SYT10: variants seen among roughly 807,000 people sequenced by gnomAD.
The protein encoded by SYT10 is synaptotagmin 10.
In SYT10, 31 loss-of-function variants were observed where a neutral mutation model predicts 51.1. The observed-to-expected ratio is 0.61, with a 90% confidence interval of 0.46 to 0.82. The LOEUF (loss-of-function observed/expected upper bound fraction) is 0.82, where lower values mean the gene tolerates loss of function less well. SYT10 is among the 40% of genes least tolerant of loss of function. The pLI, the probability that SYT10 is intolerant of heterozygous loss-of-function variation, is 0.00. For synonymous variants in SYT10, 233 were observed against 225.9 expected (o/e 1.03, Z -0.28); for missense variants, 603 against 634.0 (o/e 0.95, Z 0.53).
intron 1 of SYT10, among the ~76,000 whole-genome samples, chr12:33,433,400 G>A (rs1281636097): frequency 1.3e-5 from 2 of 152,078 alleles, no homozygotes; most frequent in Non-Finnish European, 2.9e-5. Context: ...CAGCACACAA[G>A]ATTTTAATGA....
At chr12:33,402,196 T>C (rs1247960765) in intron 3 of SYT10, among the ~76,000 whole-genome samples, 1 of 152,148 alleles carries the variant, frequency 6.6e-6, no homozygotes, top group Non-Finnish European at 1.5e-5. Context: ...ACAAAACAAA[T>C]AGAAACTCCT....
At chr12:33,403,810 A>G (rs1330300812) in intron 3 of SYT10, among the ~76,000 whole-genome samples, 11 of 152,030 alleles carry the variant, frequency 7.2e-5, no homozygotes, top group African/African-American at 2.2e-4. Context: ...ATTTTTACTA[A>G]TAAGAAGATG....
At chr12:33,405,509 A>G (rs1370667023) in intron 3 of SYT10, 3 of 152,112 alleles carry the variant, frequency 2.0e-5, no homozygotes, top group Non-Finnish European at 4.4e-5. Flanking sequence ...ACAATATTGA[A>G]CTGGCAGTAT....
Position 33,431,862 on chromosome 12 carries a change from C to T in SYT10, c.152-5367G>A, listed in dbSNP as rs1170076831. Among the ~76,000 whole-genome samples, 3 of 152,068 alleles carry T rather than the reference C, an allele frequency of 2.0e-5. No homozygotes were observed. In the East Asian group the frequency reaches 5.8e-4, roughly 29 times the overall value. ...CAGATGTATTTAGAAACACTGCCAA[C>T]ATCCCACATATTTGCACAGTTAGCT... is the stretch of plus-strand genomic sequence containing the variant. On this transcript the variant is annotated intron_variant, in intron 1 of 6. Transcript: ENST00000228567.
At chr12:33,380,623 G>A (rs1466195791) in intron 5 of SYT10, among the ~76,000 whole-genome samples, 1 of 152,150 alleles carries the variant, frequency 6.6e-6, no homozygotes, top group Non-Finnish European at 1.5e-5. Flanking sequence ...AGTGTTCTAG[G>A]TAGTTTAAAT....
intron 1 of SYT10, among the ~76,000 whole-genome samples, chr12:33,429,401 T>C (rs1413517087): frequency 6.6e-6 from 1 of 152,204 alleles, no homozygotes; most frequent in African/African-American, 2.4e-5. Flanking sequence ...AAATAAGAAC[T>C]ATAGAGAATA....
At chr12:33,389,199 G>C (rs1168989828) in intron 3 of SYT10, among the ~76,000 whole-genome samples, 1 of 152,150 alleles carries the variant, frequency 6.6e-6, no homozygotes. Context: ...GTAGTTGTTT[G>C]ATGTCTTCTA....
chr12:33,438,019 G>T (rs1866651837), intron 1 of SYT10, among the ~76,000 whole-genome samples: 1 of 152,096 alleles, frequency 6.6e-6, no homozygotes, highest in East Asian at 1.9e-4. Context: ...GAGCCCCCTT[G>T]GCTCACGTTG....
At chr12:33,402,528 T>C (rs977712229) in intron 3 of SYT10, among the ~76,000 whole-genome samples, 2 of 152,240 alleles carry the variant, frequency 1.3e-5, no homozygotes, top group African/African-American at 4.8e-5. Context: ...CTGAGGCATA[T>C]ACTTTATTTC....
intron 6 of SYT10, among the ~76,000 whole-genome samples, chr12:33,379,287 C>T (rs1274677946): frequency 6.6e-6 from 1 of 151,996 alleles, no homozygotes; most frequent in African/African-American, 2.4e-5. Flanking sequence ...CAGAGCCAGG[C>T]CTTGAACTCG....
chr12:33,426,369 A>C lies in SYT10; in HGVS notation c.278T>G (p.Ile93Ser), dbSNP rs1450614283. ...TGAAATGCTCTGTGGAAGCGTAGTG[A>C]TGTTGGAAGTCACAGGTTTGCTTTT... ...CWKSKPVTSN[I>S]TTLPQSISSA... The change falls in exon 2 of 7, where the codon ATC (isoleucine) becomes AGC (serine). Residue 93 changes from isoleucine to serine, a missense_variant. By Grantham distance (142) the Ile-to-Ser change is moderately radical. Coordinates refer to ENST00000228567, the MANE Select transcript of SYT10 (RefSeq NM_198992.4). 1 of 1,614,126 alleles carries C rather than the reference A, an allele frequency of 6.2e-7. No individual in the cohort carries two copies. The highest frequency in any genetic ancestry group is 8.5e-7 in the Non-Finnish European group (1 of 1,180,012).
intron 1 of SYT10, among the ~76,000 whole-genome samples, chr12:33,428,478 T>C (rs1866570152): frequency 6.6e-6 from 1 of 152,176 alleles, no homozygotes. Context: ...TAAGAAATGA[T>C]AGTGTAAATC....
intron 6 of SYT10, among the ~76,000 whole-genome samples, chr12:33,377,500 A>G (rs1340007924): frequency 1.3e-5 from 2 of 152,216 alleles, no homozygotes; most frequent in Admixed American, 6.5e-5. Context: ...TGCGTTTGGC[A>G]GATGGGAGCC....
intron 1 of SYT10, 125 bp downstream of exon 1, chr12:33,439,247 A>G (rs1866663327): frequency 5.6e-6 from 7 of 1,250,608 alleles, no homozygotes; most frequent in Non-Finnish European, 7.7e-6. Flanking sequence ...GGAGCGAGGT[A>G]GGAAAGCGTG....
chr12:33,401,281 T>C (rs1308592858), intron 3 of SYT10, among the ~76,000 whole-genome samples: 1 of 152,200 alleles, frequency 6.6e-6, no homozygotes, highest in Non-Finnish European at 1.5e-5. Flanking sequence ...ATTTCTCCTT[T>C]ACATTTCAGA....
chr12:33,387,361 G>A lies in SYT10; in HGVS notation c.1078-2070C>T, dbSNP rs1352768975. The stretch of plus-strand genomic sequence containing the variant: ...ATTTCATTTTCAAATTGAGAATAAC[G>A]CTCACTTCACAAGGGTTGTAAGCAT... On this transcript the variant is annotated intron_variant, in intron 3 of 6. Transcript: ENST00000228567. Among the ~76,000 whole-genome samples the A allele has an allele frequency of 5.9e-5, 9 of 152,070 alleles. No homozygotes were observed. In the South Asian group the frequency reaches 1.9e-3, roughly 31 times the overall value.
At chr12:33,394,027 C>G (rs2138399101) in intron 3 of SYT10, among the ~76,000 whole-genome samples, 1 of 152,184 alleles carries the variant, frequency 6.6e-6, no homozygotes, top group South Asian at 2.1e-4. Flanking sequence ...GGTGTAAGAT[C>G]CTTGCTCCTC....
At chr12:33,379,731 A>G (rs963575353) in intron 6 of SYT10, 101 bp downstream of exon 6, 1 of 1,420,630 alleles carries the variant, frequency 7.0e-7, no homozygotes. Context: ...TTTTTTTAAC[A>G]AGGGTGAATA....
At chr12:33,414,906 C>T (rs1866439815) in intron 2 of SYT10, among the ~76,000 whole-genome samples, 1 of 152,262 alleles carries the variant, frequency 6.6e-6, no homozygotes, top group East Asian at 1.9e-4. Flanking sequence ...TGGTCACTTT[C>T]AAATATTTAC....
Sources: gnomAD v4.1 joint callset for allele counts (sites outside exome capture counted in the v4.1 genomes callset) on GRCh38, gnomAD v4.1.1 for gene constraint, MANE v1.5 for transcripts, NCBI Gene and HGNC (gene_info 2026-07-23, HGNC 2026-07-21) for gene names.